CELF2: variants seen among roughly 807,000 people sequenced by gnomAD.
CELF2 encodes the protein CUG triplet repeat RNA-binding protein 2.
Under a neutral mutation model 62.6 loss-of-function variants are expected in CELF2, and 8 were observed. The observed-to-expected ratio is 0.13, with a 90% CI of 0.07 to 0.23. CELF2 has a LOEUF of 0.23. Among genes scored for constraint, CELF2 ranks in the 10% least tolerant of loss-of-function variants. CELF2 has a pLI of 1.00. For synonymous variants in CELF2, 258 were observed against 250.0 expected (o/e 1.03, Z -0.30); for missense variants, 333 against 671.0 (o/e 0.50, Z 5.56).
At position 11,008,495 on chromosome 10, in the gene CELF2, AG is replaced by A. The variant is rs2055730355; in HGVS notation, c.53+3056del. 6.6e-6 allele frequency among the ~76,000 whole-genome samples: 1 copy of A among 152,252 alleles called. No homozygotes were observed. Among genetic ancestry groups the A allele is most frequent in the African/African-American group, 2.4e-5 (1 of 41,470 alleles). The stretch of plus-strand genomic sequence containing the variant: ...GAAAAACGAAAGTGAGCATTTGATT[AG>A]TATTCATATCTAGAACTTTGTAGCA... On this transcript the variant is annotated intron_variant, in intron 1 of 12. Coordinates refer to the CELF2 transcript ENST00000416382. This position sits in a 1 kb window ranked among gnomAD's most constrained non-coding sequence, Gnocchi z 4.5.
chr10:10,539,858 A>C, the CELF2 span, among the ~76,000 whole-genome samples: 1 of 152,252 alleles, frequency 6.6e-6, no homozygotes, highest in Non-Finnish European at 1.5e-5. Context: ...CCTGAAGCAG[A>C]AAGTAAGACG....
At chr10:10,516,692 T>C in the CELF2 span, among the ~76,000 whole-genome samples, 2 of 150,346 alleles carry the variant, frequency 1.3e-5, no homozygotes, top group Non-Finnish European at 3.0e-5. Context: ...TGTCCATAGA[T>C]CTGGAGAGAG....
At chr10:11,212,790 T>C (rs2062246900) in intron 2 of CELF2, among the ~76,000 whole-genome samples, 2 of 138,392 alleles carry the variant, frequency 1.4e-5, no homozygotes, top group Non-Finnish European at 3.0e-5. Flanking sequence ...ATTATTACAA[T>C]GAATTGTTGA....
At chr10:11,105,098 C>A (rs541550758) in intron 1 of CELF2, among the ~76,000 whole-genome samples, 2 of 152,168 alleles carry the variant, frequency 1.3e-5, no homozygotes, top group Admixed American at 1.3e-4. Context: ...CAAAACATAC[C>A]GGTTGGGTTA....
At chr10:10,747,165 G>A in the CELF2 span, among the ~76,000 whole-genome samples, 5 of 152,206 alleles carry the variant, frequency 3.3e-5, no homozygotes, top group African/African-American at 1.2e-4. Flanking sequence ...TCCTTTAAAA[G>A]TCTGCAAGCT....
the CELF2 span, among the ~76,000 whole-genome samples, chr10:10,724,573 T>C: frequency 6.7e-6 from 1 of 150,336 alleles, no homozygotes; most frequent in African/African-American, 2.4e-5. Context: ...GGAGAACCGC[T>C]TGAAGCCAGG....
chr10:11,068,661 C>A (rs573401824), intron 1 of CELF2, among the ~76,000 whole-genome samples: 1 of 151,872 alleles, frequency 6.6e-6, no homozygotes, highest in African/African-American at 2.4e-5. Flanking sequence ...CCTGGGTTCA[C>A]GCCATTCTCC....
the CELF2 span, among the ~76,000 whole-genome samples, chr10:10,577,014 G>C: frequency 5.3e-5 from 8 of 152,150 alleles, no homozygotes; most frequent in Admixed American, 4.6e-4. Flanking sequence ...TCACACAAAG[G>C]GGAATGCAGC....
At chr10:10,548,142 T>C in the CELF2 span, among the ~76,000 whole-genome samples, 1 of 152,252 alleles carries the variant, frequency 6.6e-6, no homozygotes, top group Non-Finnish European at 1.5e-5. Flanking sequence ...GATGTGACCA[T>C]GGACACATCG....
chr10:10,506,195 A>C, the CELF2 span, among the ~76,000 whole-genome samples: 1 of 151,742 alleles, frequency 6.6e-6, no homozygotes, highest in African/African-American at 2.4e-5. Flanking sequence ...AAAAAAGATC[A>C]TTGGAGCTTC....
the CELF2 span, among the ~76,000 whole-genome samples, chr10:10,613,620 T>G: frequency 2.0e-5 from 3 of 152,216 alleles, no homozygotes; most frequent in Middle Eastern, 3.2e-3. Context: ...CCCCCTTCGT[T>G]ACAATTAACT....
chr10:10,652,997 G>A, the CELF2 span, among the ~76,000 whole-genome samples: 1 of 152,014 alleles, frequency 6.6e-6, no homozygotes, highest in East Asian at 1.9e-4. Flanking sequence ...ACACACATAG[G>A]CTCAAAATAA....
chr10:11,021,409 G>A (rs1017147938), intron 1 of CELF2, among the ~76,000 whole-genome samples: 44 of 152,146 alleles, frequency 2.9e-4, no homozygotes, highest in African/African-American at 1.0e-3. Flanking sequence ...ATATCTATCA[G>A]TGTATAATTA....
chr10:10,974,001 C>T (rs967317721), intron 2 of CELF2, among the ~76,000 whole-genome samples: 1 of 152,194 alleles, frequency 6.6e-6, no homozygotes, highest in African/African-American at 2.4e-5. Flanking sequence ...TCAGTAACTT[C>T]AGGGAAGCAT....
the CELF2 span, among the ~76,000 whole-genome samples, chr10:10,601,613 T>G: frequency 6.6e-6 from 1 of 152,186 alleles, no homozygotes; most frequent in Non-Finnish European, 1.5e-5. Context: ...ATTATAAATT[T>G]AAGGAATGGC....
the CELF2 span, among the ~76,000 whole-genome samples, chr10:10,719,924 C>T: frequency 6.6e-6 from 1 of 152,346 alleles, no homozygotes; most frequent in East Asian, 1.9e-4. Context: ...CAGCCGTTTT[C>T]AGTTCATTGA....
chr10:10,775,918 C>T, the CELF2 span, among the ~76,000 whole-genome samples: 1 of 152,312 alleles, frequency 6.6e-6, no homozygotes, highest in East Asian at 1.9e-4. Flanking sequence ...CTTACAAATC[C>T]CTTATTTCCT....
intron 7 of CELF2, among the ~76,000 whole-genome samples, chr10:11,273,730 TG>T (rs373282114): frequency 0.013 from 1,379 of 106,234 alleles, 20 homozygotes; most frequent in African/African-American, 0.047. Context: ...TTTGTTTTTT[TG>T]TTTTTTTTGA....
At chr10:10,490,692 G>A in the CELF2 span, among the ~76,000 whole-genome samples, 4 of 152,118 alleles carry the variant, frequency 2.6e-5, no homozygotes, top group Admixed American at 2.0e-4. Flanking sequence ...ATAGGGATAT[G>A]AGGATAGGTT....
Sources: allele counts gnomAD v4.1 joint callset (sites outside exome capture counted in the v4.1 genomes callset), GRCh38; gene constraint gnomAD v4.1.1; non-coding constraint Gnocchi (gnomAD v3.1); transcripts MANE v1.5; gene names NCBI Gene and HGNC (gene_info 2026-07-23, HGNC 2026-07-21).